SNTG2: variants seen among roughly 807,000 people sequenced by gnomAD.
SNTG2 encodes the protein syntrophin gamma 2, also known as gamma-2-syntrophin.
Under a neutral mutation model 70.9 loss-of-function variants are expected in SNTG2, and 74 were observed. The ratio of observed to expected loss-of-function variants is 1.04; its 90% CI spans 0.86 to 1.27. The LOEUF is 1.27. Ranked by LOEUF, SNTG2 falls within the 50% of genes most tolerant of loss-of-function variation. The pLI is 0.00. For synonymous variants in SNTG2, 278 were observed against 273.8 expected (o/e 1.02, Z -0.15); for missense variants, 717 against 690.7 (o/e 1.04, Z -0.43).
At chr2:1,149,244 C>T (rs1349400573) in intron 6 of SNTG2, among the ~76,000 whole-genome samples, 5 of 138,570 alleles carry the variant, frequency 3.6e-5, no homozygotes, top group African/African-American at 8.0e-5. Flanking sequence ...AGCAGTGAGG[C>T]TTACAGGTGG....
At chr2:1,308,063 G>T (rs2148247212) in intron 14 of SNTG2, among the ~76,000 whole-genome samples, 1 of 152,342 alleles carries the variant, frequency 6.6e-6, no homozygotes, top group Non-Finnish European at 1.5e-5. Context: ...TCTCAGGAAA[G>T]TGCCGCTTCC....
At chr2:996,165 T>C (rs2147982620) in intron 1 of SNTG2, among the ~76,000 whole-genome samples, 1 of 151,884 alleles carries the variant, frequency 6.6e-6, no homozygotes, top group Admixed American at 6.6e-5. Context: ...CATGGAGGAG[T>C]TTTGACTGGT....
chr2:1,143,297 A>G (rs1349239312), intron 6 of SNTG2, among the ~76,000 whole-genome samples: 1 of 152,138 alleles, frequency 6.6e-6, no homozygotes, highest in Non-Finnish European at 1.5e-5. Flanking sequence ...ATAAGGAATC[A>G]TTTCAGGGAA....
intron 1 of SNTG2, among the ~76,000 whole-genome samples, chr2:1,080,528 TTGTGTC>T (rs979900202): frequency 1.3e-5 from 2 of 151,872 alleles, no homozygotes; most frequent in African/African-American, 2.4e-5. Flanking sequence ...GTGCCCGTGT[TTGTGTC>T]TGTGTGTGTG....
At chr2:1,253,912 T>C (rs1197665524) in intron 12 of SNTG2, among the ~76,000 whole-genome samples, 2 of 151,706 alleles carry the variant, frequency 1.3e-5, no homozygotes, top group African/African-American at 2.4e-5. Context: ...GAGAACTGTA[T>C]CACAAGAATA....
chr2:1,168,025 G>A (rs1417068951), intron 7 of SNTG2, among the ~76,000 whole-genome samples: 6 of 130,068 alleles, frequency 4.6e-5, no homozygotes, highest in African/African-American at 1.5e-4. Flanking sequence ...CCTAGAAGCC[G>A]CCCACAGACG....
chr2:1,196,936 G>T (rs558145372), intron 8 of SNTG2, among the ~76,000 whole-genome samples: 2 of 152,134 alleles, frequency 1.3e-5, no homozygotes, highest in South Asian at 4.2e-4. Context: ...AAACATGAAA[G>T]TTTAAAACTC....
intron 6 of SNTG2, among the ~76,000 whole-genome samples, chr2:1,139,058 T>C (rs1163429861): frequency 6.6e-6 from 1 of 152,212 alleles, no homozygotes; most frequent in Non-Finnish European, 1.5e-5. Flanking sequence ...GCATATTTCT[T>C]GGCCTCCAAA....
At chr2:976,478 C>A (rs1159571231) in intron 1 of SNTG2, among the ~76,000 whole-genome samples, 1 of 152,176 alleles carries the variant, frequency 6.6e-6, no homozygotes, top group Non-Finnish European at 1.5e-5. Flanking sequence ...TCCCCTGCTC[C>A]GTCCCCACCT....
At chr2:1,222,528 GCT>G (rs1675359219) in intron 9 of SNTG2, among the ~76,000 whole-genome samples, 4 of 126,750 alleles carry the variant, frequency 3.2e-5, no homozygotes, top group Non-Finnish European at 1.7e-5. Flanking sequence ...CCTGCCTGCT[GCT>G]GGAGGTGCTG....
At chr2:1,264,492 A>T (rs9283286) in intron 13 of SNTG2, among the ~76,000 whole-genome samples, 41,301 of 152,146 alleles carry the variant, frequency 0.27, 6,130 homozygotes, top group Middle Eastern at 0.36. Flanking sequence ...GCCACAAGGG[A>T]TGTTGCAAGT....
intron 14 of SNTG2, among the ~76,000 whole-genome samples, chr2:1,304,131 A>G (rs1680575115): frequency 6.6e-6 from 1 of 152,232 alleles, no homozygotes; most frequent in African/African-American, 2.4e-5. Flanking sequence ...AAAAGCAGTC[A>G]AAAACACTCC....
chr2:1,113,908 TTTAACCC>T (rs1196594280), intron 4 of SNTG2, among the ~76,000 whole-genome samples: 32 of 150,354 alleles, frequency 2.1e-4, no homozygotes, highest in African/African-American at 7.1e-4. Flanking sequence ...CTAAGTGAGG[TTTAACCC>T]TTACAGTCCT....
chr2:1,181,925 A>G (rs779866707), intron 8 of SNTG2, among the ~76,000 whole-genome samples: 3 of 152,186 alleles, frequency 2.0e-5, no homozygotes, highest in African/African-American at 4.8e-5. Flanking sequence ...AATCCCACTC[A>G]CATTAATATC....
intron 1 of SNTG2, among the ~76,000 whole-genome samples, chr2:956,394 C>A (rs1660159446): frequency 6.6e-6 from 1 of 152,358 alleles, no homozygotes; most frequent in Non-Finnish European, 1.5e-5. Context: ...TGGAGCATAA[C>A]CACTCACCCC....
intron 14 of SNTG2, among the ~76,000 whole-genome samples, chr2:1,297,956 T>A (rs1680294701): frequency 6.6e-6 from 1 of 151,996 alleles, no homozygotes. Flanking sequence ...AATCTAGAAA[T>A]GTGTGGAGCT....
At chr2:1,336,616 C>T (rs1005216285) in intron 16 of SNTG2, among the ~76,000 whole-genome samples, 1 of 151,968 alleles carries the variant, frequency 6.6e-6, no homozygotes, top group African/African-American at 2.4e-5. Context: ...ATCTTTAATC[C>T]ATTTTGAGTT....
At chr2:1,233,074 C>A (rs868754833) in intron 9 of SNTG2, among the ~76,000 whole-genome samples, 26 of 152,206 alleles carry the variant, frequency 1.7e-4, no homozygotes, top group Admixed American at 3.3e-4. Flanking sequence ...ATGAAAGCTT[C>A]CTTGGTTAAA....
At chr2:973,097 A>G (rs909235903) in intron 1 of SNTG2, among the ~76,000 whole-genome samples, 5 of 152,198 alleles carry the variant, frequency 3.3e-5, no homozygotes, top group Non-Finnish European at 5.9e-5. Context: ...TTTGATTTCA[A>G]TGATCAGTAA....
Sources: allele counts gnomAD v4.1 joint callset (sites outside exome capture counted in the v4.1 genomes callset), GRCh38; gene constraint gnomAD v4.1.1; transcripts MANE v1.5; gene names NCBI Gene and HGNC (gene_info 2026-07-23, HGNC 2026-07-21).